GRIA1: variants seen among roughly 807,000 people sequenced by gnomAD.
The protein encoded by GRIA1 is glutamate ionotropic receptor AMPA type subunit 1.
GRIA1 carries 31 observed loss-of-function variants against 99.2 expected under a neutral mutation model. That is an observed-to-expected ratio of 0.31 (90% CI 0.23 to 0.42). GRIA1 has a LOEUF of 0.42. GRIA1 is among the 10% of genes least tolerant of loss of function. GRIA1 has a pLI of 1.00. For synonymous variants in GRIA1, 438 were observed against 432.4 expected (o/e 1.01, Z -0.16); for missense variants, 782 against 1,157.5 (o/e 0.68, Z 4.71).
chr5:153,626,444 CTGTGTGTGTGTGTGTGTGTGTG>C (rs3036985), intron 2 of GRIA1, among the ~76,000 whole-genome samples: 1 of 142,446 alleles, frequency 7.0e-6, no homozygotes, highest in African/African-American at 2.6e-5. Context: ...GTGTGTGTGT[CTGTGTGTGTGTGTGTGTGTGTG>C]TGTGTGTGTG....
intron 2 of GRIA1, among the ~76,000 whole-genome samples, chr5:153,602,439 G>C (rs966151180): frequency 2.0e-5 from 3 of 151,892 alleles, no homozygotes; most frequent in African/African-American, 7.3e-5. Context: ...TAAATGACGA[G>C]TTAATGGGTG....
At chr5:153,643,187 A>G (rs75656467) in intron 2 of GRIA1, among the ~76,000 whole-genome samples, 6,048 of 152,320 alleles carry the variant, frequency 0.04, 159 homozygotes, top group Middle Eastern at 0.085. Flanking sequence ...AATATTGTCG[A>G]ATCAGTAAAC....
chr5:153,515,440 G>T (rs1361300177), intron 2 of GRIA1, among the ~76,000 whole-genome samples: 1 of 152,178 alleles, frequency 6.6e-6, no homozygotes, highest in Non-Finnish European at 1.5e-5. Context: ...ACTCGTAGAA[G>T]TAAAGAGTAG....
At chr5:153,563,864 G>A in intron 2 of GRIA1, among the ~76,000 whole-genome samples, 1 of 152,188 alleles carries the variant, frequency 6.6e-6, no homozygotes, top group South Asian at 2.1e-4. Context: ...AGGGGGTATG[G>A]AGGCAGTCTA....
chr5:153,551,211 C>T (rs148365120), intron 2 of GRIA1, among the ~76,000 whole-genome samples: 2 of 152,250 alleles, frequency 1.3e-5, no homozygotes, highest in African/African-American at 4.8e-5. Flanking sequence ...ATCGGCCTTG[C>T]TCGGTCATGC....
chr5:153,745,304 T>TAAC (rs2149581218), intron 11 of GRIA1, among the ~76,000 whole-genome samples: 1 of 120,612 alleles, frequency 8.3e-6, no homozygotes, highest in East Asian at 5.2e-4. Context: ...AAAAAAAAAA[T>TAAC]AGACTGGGCA....
At chr5:153,608,112 C>A (rs1232326638) in intron 2 of GRIA1, among the ~76,000 whole-genome samples, 1 of 152,162 alleles carries the variant, frequency 6.6e-6, no homozygotes, top group Non-Finnish European at 1.5e-5. Context: ...TGTGAAGGGT[C>A]AGCTGTCTGC....
At chr5:153,674,263 C>G (rs1756407125) in intron 5 of GRIA1, among the ~76,000 whole-genome samples, 1 of 152,260 alleles carries the variant, frequency 6.6e-6, no homozygotes, top group East Asian at 1.9e-4. Context: ...GGTATAACTA[C>G]TGGCTTATGC....
intron 8 of GRIA1, among the ~76,000 whole-genome samples, chr5:153,687,515 C>G (rs1757423902): frequency 6.6e-6 from 1 of 152,118 alleles, no homozygotes; most frequent in Non-Finnish European, 1.5e-5. Flanking sequence ...GCTCTCTATG[C>G]CTGTGCTGTC....
intron 7 of GRIA1, among the ~76,000 whole-genome samples, chr5:153,679,091 A>C (rs529418752): frequency 1.3e-5 from 2 of 152,050 alleles, no homozygotes; most frequent in Non-Finnish European, 2.9e-5. Context: ...AAGAACAATG[A>C]CCTCTTTTAT....
chr5:153,774,577 G>A (rs1764101595), intron 13 of GRIA1, among the ~76,000 whole-genome samples: 1 of 152,166 alleles, frequency 6.6e-6, no homozygotes, highest in South Asian at 2.1e-4. Flanking sequence ...CTTACTGCCT[G>A]TAGTTGTATC....
At chr5:153,746,172 G>A (rs902422087) in intron 11 of GRIA1, among the ~76,000 whole-genome samples, 2 of 132,740 alleles carry the variant, frequency 1.5e-5, no homozygotes, top group Non-Finnish European at 3.1e-5. Flanking sequence ...GGAAAGAGCT[G>A]AGTGTCCCTT....
intron 14 of GRIA1, among the ~76,000 whole-genome samples, chr5:153,795,112 G>A (rs978173823): frequency 1.3e-5 from 2 of 152,162 alleles, no homozygotes; most frequent in African/African-American, 4.8e-5. Flanking sequence ...CCTAGGCATG[G>A]AAGCAGATTC....
At chr5:153,765,439 C>T (rs976300693) in intron 12 of GRIA1, among the ~76,000 whole-genome samples, 9 of 152,156 alleles carry the variant, frequency 5.9e-5, no homozygotes, top group African/African-American at 2.2e-4. Context: ...CAAGGAAATG[C>T]AAACCTTTGG....
At chr5:153,719,488 T>C (rs1031058032) in intron 11 of GRIA1, among the ~76,000 whole-genome samples, 4 of 152,024 alleles carry the variant, frequency 2.6e-5, no homozygotes, top group Non-Finnish European at 5.9e-5. Context: ...CTCCCTCCTT[T>C]ACGTGTCTGG....
chr5:153,618,556 G>A (rs1393032101), intron 2 of GRIA1, among the ~76,000 whole-genome samples: 2 of 152,138 alleles, frequency 1.3e-5, no homozygotes, highest in African/African-American at 4.8e-5. Context: ...GACAAGGAGG[G>A]AAGGCCCAAT....
intron 2 of GRIA1, among the ~76,000 whole-genome samples, chr5:153,628,338 G>A (rs1767833918): frequency 6.6e-6 from 1 of 152,196 alleles, no homozygotes; most frequent in African/African-American, 2.4e-5. Flanking sequence ...TACAAGCATG[G>A]AGCTGAAGTT....
chr5:153,615,412 T>C (rs974060815), intron 2 of GRIA1, among the ~76,000 whole-genome samples: 1 of 152,104 alleles, frequency 6.6e-6, no homozygotes, highest in Non-Finnish European at 1.5e-5. Flanking sequence ...GAGTCTGAGA[T>C]GAAAGGACCG....
At chr5:153,764,729 C>A (rs1763399183) in intron 12 of GRIA1, 97 bp downstream of exon 12, 2 of 854,068 alleles carry the variant, frequency 2.3e-6, no homozygotes, top group Non-Finnish European at 3.8e-6. Context: ...TAACAGGCAG[C>A]CAGAGCAAGT....
Sources: allele counts gnomAD v4.1 joint callset (sites outside exome capture counted in the v4.1 genomes callset), GRCh38; gene constraint gnomAD v4.1.1; transcripts MANE v1.5; gene names NCBI Gene and HGNC (gene_info 2026-07-23, HGNC 2026-07-21).